UBN2: variants seen among roughly 807,000 people sequenced by gnomAD.
The protein encoded by UBN2 is ubinuclein 2.
A neutral mutation model predicts 120.2 loss-of-function variants in UBN2; 35 were observed. That is an observed-to-expected ratio of 0.29 (90% confidence interval 0.22 to 0.39). UBN2 has a LOEUF of 0.39. Among genes scored for constraint, UBN2 ranks in the 10% least tolerant of loss-of-function variants. The probability of loss-of-function intolerance (pLI) is 1.00; values close to 1 mark genes in which losing one functional copy is unlikely to be tolerated. For synonymous variants in UBN2, 661 were observed against 648.7 expected, an observed-to-expected ratio of 1.02 and a Z score of -0.29; for missense variants, 1,693 against 1,663.2, an observed-to-expected ratio of 1.02 and a Z score of -0.31.
chr7:139,234,460 TA>T (rs1796111316), intron 1 of UBN2, among the ~76,000 whole-genome samples: 1 of 152,180 alleles, frequency 6.6e-6, no homozygotes. Flanking sequence ...AAAGCACAAT[TA>T]AATAATTTAT....
At chr7:139,279,212 C>T in intron 12 of UBN2, 106 bp from the exon 13 acceptor site, 3 of 905,442 alleles carry the variant, frequency 3.3e-6, no homozygotes, top group South Asian at 3.1e-5. Flanking sequence ...AAGAGCTTTC[C>T]AAATAGCAGA....
At position 139,270,534 on chromosome 7, in the gene UBN2, G is replaced by T. The variant is rs559970429; in HGVS notation, c.1596+1011G>T. ...TCCGCCCAGCTTGGCCTCCCAAAGT[G>T]CTAGGATTACAGGCGTGAGCCACCG... On this transcript the variant is annotated intron_variant, in intron 8 of 17. Coordinates refer to ENST00000473989, the MANE Select transcript of UBN2 (RefSeq NM_173569.4). Among the ~76,000 whole-genome samples the T allele has an allele frequency of 1.4e-3, 213 of 152,142 alleles. 1 individual carries two copies. Among genetic ancestry groups the T allele is most frequent in the African/African-American group, 5.0e-3 (206 of 41,508 alleles).
At chr7:139,325,076 T>A in the UBN2 span, among the ~76,000 whole-genome samples, 2 of 152,196 alleles carry the variant, frequency 1.3e-5, no homozygotes, top group African/African-American at 4.8e-5. Flanking sequence ...TAGGACTTTT[T>A]AAAATGTTGA....
chr7:139,283,101 C>T lies in UBN2; in HGVS notation c.2196C>T (p.Ser732=), dbSNP rs759744791. 13 of 1,613,008 alleles carry T rather than the reference C, an allele frequency of 8.1e-6. No homozygotes were observed. The South Asian group carries it at 1.4e-4, about 18-fold the overall frequency. Residue 732 remains serine (S), a synonymous_variant, in exon 15 of 18, where the codon AGC becomes AGT. Transcript: ENST00000473989. ...ASVSGPPTSS[S]TAAIAAASSS... ...TTAGCGGTCCTCCAACGAGCTCCAG[C>T]ACAGCTGCCATTGCTGCAGCTAGCT...
intron 6 of UBN2, among the ~76,000 whole-genome samples, chr7:139,262,615 G>T (rs1563212427): frequency 6.6e-6 from 1 of 151,624 alleles, no homozygotes; most frequent in Non-Finnish European, 1.5e-5. Flanking sequence ...CTCAGAGGCT[G>T]AGGCAGGAGA....
chr7:139,296,117 A>G (rs1027241331), intron 17 of UBN2, among the ~76,000 whole-genome samples: 1 of 152,204 alleles, frequency 6.6e-6, no homozygotes, highest in Non-Finnish European at 1.5e-5. Context: ...ATCTAATAAA[A>G]AATAATTGAT....
At chr7:139,292,947 A>G (rs551767153) in intron 15 of UBN2, among the ~76,000 whole-genome samples, 1 of 152,300 alleles carries the variant, frequency 6.6e-6, no homozygotes, top group African/African-American at 2.4e-5. Context: ...AATTGCATGG[A>G]ATTACTTACT....
intron 3 of UBN2, among the ~76,000 whole-genome samples, chr7:139,252,608 A>C (rs187785460): frequency 6.6e-6 from 1 of 152,272 alleles, no homozygotes; most frequent in African/African-American, 2.4e-5. Flanking sequence ...GGATTTGGCC[A>C]GTGCATCTCA....
the UBN2 span, among the ~76,000 whole-genome samples, chr7:139,315,866 C>T: frequency 6.6e-5 from 10 of 152,038 alleles, no homozygotes; most frequent in Non-Finnish European, 1.3e-4. Flanking sequence ...CACCTGAGGT[C>T]AGGAGTTCGA....
rs764662683 is a variant in UBN2 at position 139,283,346 on chromosome 7, C to A, written c.2441C>A (p.Pro814Gln). 3.1e-6 allele frequency: 5 copies of A among 1,613,824 alleles called. No individual in the cohort carries two copies. Among genetic ancestry groups the A allele is most frequent in the Non-Finnish European group, 4.2e-6 (5 of 1,180,010 alleles). Residue 814 changes from proline to glutamine, a missense_variant, in exon 15 of 18, where the codon CCA (proline) becomes CAA (glutamine). Around this residue, in one of 5 missense-constraint regions of UBN2, gnomAD observed 837 missense variants for 817.6 expected, o/e 1.02. Coordinates refer to ENST00000473989, the MANE Select transcript of UBN2 (RefSeq NM_173569.4). The stretch of plus-strand genomic sequence containing the variant: ...TTAGCAAGTATCATGAGTAAGCTGC[C>A]ACTAGCTACTCCCAAAAAACTAGAT... ...EKLASIMSKL[P>Q]LATPKKLDST...
chr7:139,289,646 A>G (rs1359333662), intron 15 of UBN2, among the ~76,000 whole-genome samples: 1 of 152,140 alleles, frequency 6.6e-6, no homozygotes, highest in Non-Finnish European at 1.5e-5. Flanking sequence ...CCCTGGCCTC[A>G]GGTGATTCAC....
chr7:139,246,658 G>A (rs1796478340), intron 2 of UBN2, among the ~76,000 whole-genome samples: 1 of 152,174 alleles, frequency 6.6e-6, no homozygotes, highest in African/African-American at 2.4e-5. Flanking sequence ...CTACAATCAT[G>A]ATACGGAACA....
chr7:139,322,785 G>A, the UBN2 span, among the ~76,000 whole-genome samples: 4 of 151,750 alleles, frequency 2.6e-5, no homozygotes, highest in Non-Finnish European at 5.9e-5. Flanking sequence ...TGATCTGCCC[G>A]CCTTGGCTTC....
chr7:139,250,737 G>A (rs2078137522), intron 2 of UBN2, among the ~76,000 whole-genome samples: 2 of 151,544 alleles, frequency 1.3e-5, no homozygotes, highest in African/African-American at 2.4e-5. Flanking sequence ...CAGATTTCAC[G>A]TACTCATTTC....
At chr7:139,287,415 A>C (rs1007655320) in intron 15 of UBN2, among the ~76,000 whole-genome samples, 3 of 152,308 alleles carry the variant, frequency 2.0e-5, no homozygotes, top group African/African-American at 7.2e-5. Flanking sequence ...CTTTGAACTT[A>C]AGATTAAATC....
rs998213627 is a variant in UBN2, at chr7:139,298,857, CAGGT to C, written c.*1024_*1027del. The C allele has an allele frequency of 2.0e-5, 3 of 152,074 alleles. No individual in the cohort carries two copies. The highest frequency in any genetic ancestry group is 7.2e-5 in the African/African-American group (3 of 41,408). The allele number at this position is 152,074 out of a possible 1,614,324, so 9.4% of individuals were successfully genotyped here. A position where few individuals can be genotyped will look rare whatever the true frequency, so the allele number is the denominator to read the frequency against. On this transcript the variant is annotated 3_prime_UTR_variant, in exon 18 of 18. Coordinates refer to ENST00000473989, the MANE Select transcript of UBN2 (RefSeq NM_173569.4). ...GGTGATTATTAGCTATTGGTATAAA[CAGGT>C]AGAAGTGTACACTATGTTTCTTCAT... is the stretch of plus-strand genomic sequence containing the variant.
chr7:139,296,532 C>T (rs183615494), intron 17 of UBN2, among the ~76,000 whole-genome samples: 170 of 152,194 alleles, frequency 1.1e-3, no homozygotes, highest in Admixed American at 1.8e-3. Context: ...TCTTTGAGGC[C>T]TCATTTTTCT....
At chr7:139,319,236 C>T in the UBN2 span, among the ~76,000 whole-genome samples, 1 of 152,288 alleles carries the variant, frequency 6.6e-6, no homozygotes, top group Non-Finnish European at 1.5e-5. Flanking sequence ...GTGGGCACCA[C>T]CATGCCTGGC....
chr7:139,253,803 A>G (rs911561279), intron 3 of UBN2, among the ~76,000 whole-genome samples: 1 of 152,222 alleles, frequency 6.6e-6, no homozygotes, highest in African/African-American at 2.4e-5. Flanking sequence ...ATCCTCTGCA[A>G]TGTGCAGTAA....
Sources: gnomAD v4.1 joint callset for allele counts (sites outside exome capture counted in the v4.1 genomes callset) on GRCh38, gnomAD v4.1.1 for gene constraint, gnomAD v4.1.1 regional missense constraint, MANE v1.5 for transcripts, NCBI Gene and HGNC (gene_info 2026-07-23, HGNC 2026-07-21) for gene names.